The following MYO9A variants were observed in gnomAD, a reference collection of about 807,000 sequenced individuals.
MYO9A encodes the protein myosin IXA, also known as unconventional myosin-IXa.
Under a neutral mutation model 293.3 loss-of-function variants are expected in MYO9A, and 103 were observed. That is an observed-to-expected ratio of 0.35 (90% CI 0.30 to 0.41). The LOEUF (loss-of-function observed/expected upper bound fraction) is 0.41. Among genes scored for constraint, MYO9A ranks in the 10% least tolerant of loss-of-function variants. The probability of loss-of-function intolerance (pLI) is 1.00; values close to 1 mark genes in which losing one functional copy is unlikely to be tolerated. For synonymous variants in MYO9A, 1,001 were observed against 1,035.7 expected (o/e 0.97, Z 0.64); for missense variants, 2,685 against 3,033.0 (o/e 0.89, Z 2.69).
chr15:71,855,231 G>T (rs563630082), intron 34 of MYO9A, among the ~76,000 whole-genome samples: 2 of 152,156 alleles, frequency 1.3e-5, no homozygotes, highest in Non-Finnish European at 2.9e-5. Context: ...CACCTCCCAG[G>T]TTCAAGCGAT....
At chr15:71,933,172 T>G (rs1451021412) in intron 18 of MYO9A, among the ~76,000 whole-genome samples, 1 of 152,138 alleles carries the variant, frequency 6.6e-6, no homozygotes, top group African/African-American at 2.4e-5. Context: ...TAACAAAGTT[T>G]TATTGGAATG....
At chr15:72,058,670 T>C (rs534057943) in intron 1 of MYO9A, among the ~76,000 whole-genome samples, 1 of 152,206 alleles carries the variant, frequency 6.6e-6, no homozygotes, top group Non-Finnish European at 1.5e-5. Context: ...TATCTCAATG[T>C]AGACACTTCA....
Position 71,830,315 on chromosome 15 carries a change from C to A in MYO9A, c.6838-4G>T, listed in dbSNP as rs767143916. Reference sequence around the variant, plus strand: ...CTCGACGAATACGCCCCTTTCCCTGCAGAGAAAAATTCATGTTAGAAAGTA... The same window carrying A: ...CTCGACGAATACGCCCCTTTCCCTGAAGAGAAAAATTCATGTTAGAAAGTA... On this transcript the variant is annotated splice_polypyrimidine_tract_variant and splice_region_variant and intron_variant, in intron 39 of 41. Coordinates refer to ENST00000356056, the MANE Select transcript of MYO9A (RefSeq NM_006901.4). 9 of 1,612,816 alleles carry A rather than the reference C, an allele frequency of 5.6e-6. No homozygotes were observed. The highest frequency in any genetic ancestry group is 5.9e-6 in the Non-Finnish European group (7 of 1,179,776).
At chr15:72,097,895 C>T (rs879414428) in intron 1 of MYO9A, among the ~76,000 whole-genome samples, 7 of 151,632 alleles carry the variant, frequency 4.6e-5, no homozygotes, top group Non-Finnish European at 1.0e-4. Context: ...GGTGACAGAG[C>T]GAGACTCCAT....
chr15:71,945,088 C>T (rs1349623415), intron 15 of MYO9A, among the ~76,000 whole-genome samples: 1 of 152,196 alleles, frequency 6.6e-6, no homozygotes, highest in Non-Finnish European at 1.5e-5. Flanking sequence ...CAAAATCCAA[C>T]ACTTTAAAAC....
chr15:71,830,744 C>T (rs527878793), intron 39 of MYO9A, among the ~76,000 whole-genome samples: 1 of 152,212 alleles, frequency 6.6e-6, no homozygotes, highest in Non-Finnish European at 1.5e-5. Context: ...TACAGATCTA[C>T]ATTTCCTACC....
At position 71,967,995 on chromosome 15, in the gene MYO9A, AT is replaced by A; in HGVS notation, c.1974del (p.Lys658AsnfsTer4). 6.2e-7 allele frequency: 1 copy of A among 1,609,882 alleles called. No homozygotes were observed. ...AGAAATTTACTGACCTTTACCCCAT[AT>A]TTTACTTTTCCAGCATAATGTTTTA... ...FIIKHYAGKV[K>X]YGVKDFREKN... On this transcript the variant is annotated frameshift_variant, in exon 13 of 42. Coordinates refer to ENST00000356056, the MANE Select transcript of MYO9A (RefSeq NM_006901.4). LOFTEE classifies it high-confidence loss of function.
At chr15:72,071,390 A>T (rs2150174601) in intron 1 of MYO9A, among the ~76,000 whole-genome samples, 1 of 152,320 alleles carries the variant, frequency 6.6e-6, no homozygotes, top group Non-Finnish European at 1.5e-5. Flanking sequence ...AAGTCAAAAA[A>T]ATAAGAGATG....
At chr15:72,067,658 G>T (rs575558799) in intron 1 of MYO9A, among the ~76,000 whole-genome samples, 3 of 152,210 alleles carry the variant, frequency 2.0e-5, no homozygotes, top group African/African-American at 7.2e-5. Context: ...CTACTGGGAC[G>T]CCACATGGAG....
At chr15:71,894,924 A>G (rs2057280868) in intron 25 of MYO9A, among the ~76,000 whole-genome samples, 1 of 152,208 alleles carries the variant, frequency 6.6e-6, no homozygotes, top group Non-Finnish European at 1.5e-5. Flanking sequence ...CTTACTTCCA[A>G]GGATAGTGCT....
chr15:72,110,085 G>A (rs1338454396), intron 1 of MYO9A, among the ~76,000 whole-genome samples: 2 of 151,436 alleles, frequency 1.3e-5, no homozygotes, highest in African/African-American at 2.4e-5. Flanking sequence ...CTTGAGCCCA[G>A]GAGCTTGAGT....
upstream of MYO9A, chr15:72,118,217 C>A (rs925341618): frequency 4.0e-5 from 14 of 349,746 alleles, 1 homozygote; most frequent in Admixed American, 4.3e-4. Context: ...CCGCACGTGA[C>A]GCCACTGGAG....
chr15:71,954,364 C>G (rs940651464), intron 14 of MYO9A, among the ~76,000 whole-genome samples: 1 of 152,070 alleles, frequency 6.6e-6, no homozygotes, highest in African/African-American at 2.4e-5. Context: ...CCACGCCTGG[C>G]TAATTTTGTT....
At chr15:71,946,055 T>C (rs1162366263) in intron 15 of MYO9A, among the ~76,000 whole-genome samples, 2 of 152,222 alleles carry the variant, frequency 1.3e-5, no homozygotes, top group Admixed American at 6.5e-5. Context: ...ATAAATTCCA[T>C]GTGGTCTTCA....
At position 72,112,698 on chromosome 15, in the gene MYO9A, T is replaced by C. The variant is rs149550792; in HGVS notation, c.-72+4982A>G. On this transcript the variant is annotated intron_variant, in intron 1 of 41. Transcript: ENST00000356056. ...TTCCAATACCTACACTCCTTGCATG[T>C]CTAAAGATACACACAAAATAGGTAC... 5.7e-3 allele frequency among the ~76,000 whole-genome samples: 874 copies of C among 152,322 alleles called. 9 individuals carry two copies. Among genetic ancestry groups the C allele is most frequent in the Middle Eastern group, 0.024 (7 of 294 alleles).
intron 39 of MYO9A, among the ~76,000 whole-genome samples, chr15:71,835,099 A>G (rs1157266564): frequency 1.3e-5 from 2 of 152,204 alleles, no homozygotes; most frequent in East Asian, 1.9e-4. Flanking sequence ...AAAATTCAAC[A>G]TTCTGTCACA....
chr15:71,834,606 T>TAA (rs528666742), intron 39 of MYO9A, among the ~76,000 whole-genome samples: 5 of 142,502 alleles, frequency 3.5e-5, no homozygotes, highest in African/African-American at 1.3e-4. Context: ...ACCCCTTCTC[T>TAA]AAAAAAAAAA....
intron 41 of MYO9A, among the ~76,000 whole-genome samples, chr15:71,827,658 ATTATATTTCTTATCCCC>A (rs754724067): frequency 4.0e-4 from 61 of 152,090 alleles, no homozygotes; most frequent in African/African-American, 1.1e-3. Context: ...AGCAAAGACA[ATTATATTTCTTATCCCC>A]TTATATTTCT....
At chr15:72,097,378 C>T (rs2080097642) in intron 1 of MYO9A, among the ~76,000 whole-genome samples, 1 of 152,084 alleles carries the variant, frequency 6.6e-6, no homozygotes, top group South Asian at 2.1e-4. Context: ...GACCGATGAC[C>T]GTTAGCATTT....
Sources: allele counts gnomAD v4.1 joint callset (sites outside exome capture counted in the v4.1 genomes callset), GRCh38; gene constraint gnomAD v4.1.1; transcripts MANE v1.5; gene names NCBI Gene and HGNC (gene_info 2026-07-23, HGNC 2026-07-21).